The following SYNPR variants were observed in gnomAD, a reference collection of about 807,000 sequenced individuals.
The protein encoded by SYNPR is synaptoporin.
SYNPR carries 23 observed loss-of-function variants against 32.9 expected under a neutral mutation model. That is an observed-to-expected ratio of 0.70 (90% CI 0.50 to 0.99). SYNPR has a LOEUF of 0.99. Among genes scored for constraint, SYNPR ranks in the 50% least tolerant of loss-of-function variants. The pLI is 0.00. For synonymous variants in SYNPR, 146 were observed against 135.9 expected, an observed-to-expected ratio of 1.07 and a Z score of -0.52; for missense variants, 318 against 349.3, an observed-to-expected ratio of 0.91 and a Z score of 0.71.
chr3:63,295,862 C>G (rs1231632915), intron 2 of SYNPR, among the ~76,000 whole-genome samples: 1 of 152,200 alleles, frequency 6.6e-6, no homozygotes, highest in African/African-American at 2.4e-5. Context: ...AACCCTGCCC[C>G]CATCTACTTA....
At chr3:63,268,343 A>G (rs988066518) in intron 3 of SYNPR, among the ~76,000 whole-genome samples, 2 of 152,222 alleles carry the variant, frequency 1.3e-5, no homozygotes, top group African/African-American at 2.4e-5. Context: ...TATAGAAAAT[A>G]TGGAAAACAG....
intron 3 of SYNPR, among the ~76,000 whole-genome samples, chr3:63,271,137 CT>C (rs1268865055): frequency 1.3e-5 from 2 of 151,748 alleles, no homozygotes; most frequent in Non-Finnish European, 2.9e-5. Flanking sequence ...TACCTTTCTT[CT>C]GAGTACTATT....
the SYNPR span, among the ~76,000 whole-genome samples, chr3:63,207,072 T>C: frequency 6.6e-6 from 1 of 152,228 alleles, no homozygotes; most frequent in Admixed American, 6.5e-5. Context: ...CAGGTCCTAT[T>C]GGCAATGTGC....
chr3:63,588,163 T>C (rs983443505), intron 4 of SYNPR, among the ~76,000 whole-genome samples: 4 of 152,154 alleles, frequency 2.6e-5, no homozygotes, highest in African/African-American at 9.7e-5. Flanking sequence ...ATATCACATA[T>C]ATACATATAT....
At chr3:63,531,888 C>T (rs1275804165) in intron 3 of SYNPR, among the ~76,000 whole-genome samples, 2 of 152,114 alleles carry the variant, frequency 1.3e-5, no homozygotes, top group Non-Finnish European at 2.9e-5. Flanking sequence ...CATTAGAAAT[C>T]CCATTGAAAT....
At chr3:63,247,570 A>AGT (rs1394548680) in intron 1 of SYNPR, among the ~76,000 whole-genome samples, 2 of 152,084 alleles carry the variant, frequency 1.3e-5, no homozygotes, top group Non-Finnish European at 2.9e-5. Context: ...AAGGTCGCCC[A>AGT]GTGTATGTAT....
At chr3:63,222,943 A>C in the SYNPR span, among the ~76,000 whole-genome samples, 1 of 152,206 alleles carries the variant, frequency 6.6e-6, no homozygotes. Flanking sequence ...TCAATGGTTT[A>C]ACATATAAAA....
At chr3:63,516,080 A>G (rs1002032722) in intron 3 of SYNPR, among the ~76,000 whole-genome samples, 2 of 152,066 alleles carry the variant, frequency 1.3e-5, no homozygotes, top group African/African-American at 4.8e-5. Flanking sequence ...TTCAAGGCAA[A>G]TTTCTCATTA....
intron 1 of SYNPR, among the ~76,000 whole-genome samples, chr3:63,244,771 G>C (rs983713262): frequency 2.6e-5 from 4 of 152,052 alleles, no homozygotes; most frequent in African/African-American, 9.7e-5. Flanking sequence ...GCTATGCCTA[G>C]AAGCTAATAG....
chr3:63,245,423 T>A (rs2086276395), intron 1 of SYNPR, among the ~76,000 whole-genome samples: 1 of 152,056 alleles, frequency 6.6e-6, no homozygotes. Context: ...AGGTTTGTAT[T>A]TTAATGAAAT....
intron 2 of SYNPR, among the ~76,000 whole-genome samples, chr3:63,424,484 A>C (rs867937116): frequency 4.3e-4 from 65 of 152,214 alleles, no homozygotes; most frequent in African/African-American, 1.6e-3. Flanking sequence ...TGAGACATTA[A>C]ATAGGAATGC....
chr3:63,283,155 T>A (rs1158844077), intron 2 of SYNPR, among the ~76,000 whole-genome samples: 2 of 152,202 alleles, frequency 1.3e-5, no homozygotes, highest in African/African-American at 4.8e-5. Flanking sequence ...TAGCTCATAT[T>A]TTACATTATT....
At chr3:63,607,769 A>G (rs527378987) in intron 4 of SYNPR, among the ~76,000 whole-genome samples, 3 of 152,292 alleles carry the variant, frequency 2.0e-5, no homozygotes, top group Middle Eastern at 3.4e-3. Context: ...CCTCCAGAAC[A>G]TTCTCCACAA....
intron 3 of SYNPR, 63 bp from the exon 4 acceptor site, chr3:63,556,480 A>G (rs1010590706): frequency 6.9e-7 from 1 of 1,455,576 alleles, no homozygotes; most frequent in Non-Finnish European, 9.3e-7. Flanking sequence ...AGATGTAGAC[A>G]CAAGTCATGT....
At chr3:63,591,641 T>C (rs1699829309) in intron 4 of SYNPR, among the ~76,000 whole-genome samples, 2 of 135,590 alleles carry the variant, frequency 1.5e-5, no homozygotes, top group Admixed American at 1.5e-4. Context: ...AAATGATGAG[T>C]TCATGTCCTT....
intron 4 of SYNPR, among the ~76,000 whole-genome samples, chr3:63,577,955 A>C (rs140557898): frequency 2.0e-5 from 3 of 152,292 alleles, no homozygotes; most frequent in Admixed American, 1.3e-4. Context: ...AGGTAATGGC[A>C]ACAGATTAGA....
intron 2 of SYNPR, among the ~76,000 whole-genome samples, chr3:63,305,439 A>T (rs1180700984): frequency 5.3e-5 from 8 of 152,060 alleles, no homozygotes; most frequent in Non-Finnish European, 1.0e-4. Context: ...CAGGAAAAAG[A>T]GTTTATTCCT....
intron 2 of SYNPR, among the ~76,000 whole-genome samples, chr3:63,420,819 A>G (rs1052261034): frequency 1.4e-4 from 21 of 152,220 alleles, no homozygotes; most frequent in Non-Finnish European, 2.8e-4. Context: ...AAGAACTTAT[A>G]AATCAGTGAG....
chr3:63,349,160 TG>T (rs2087474883), intron 2 of SYNPR, among the ~76,000 whole-genome samples: 1 of 152,094 alleles, frequency 6.6e-6, no homozygotes, highest in Non-Finnish European at 1.5e-5. Flanking sequence ...TGGAGTGCAG[TG>T]GCAAGATCTT....
Sources: allele counts gnomAD v4.1 joint callset (sites outside exome capture counted in the v4.1 genomes callset), GRCh38; gene constraint gnomAD v4.1.1; transcripts MANE v1.5; gene names NCBI Gene and HGNC (gene_info 2026-07-23, HGNC 2026-07-21).